Variants in LRMDA observed in about 807,000 individuals in gnomAD.
The protein encoded by LRMDA is leucine rich melanocyte differentiation associated, also known as leucine-rich melanocyte differentiation-associated protein.
In LRMDA, 18 loss-of-function variants were observed where a neutral mutation model predicts 29.8. That is an observed-to-expected ratio of 0.60 (90% CI 0.42 to 0.90). The LOEUF (loss-of-function observed/expected upper bound fraction) is 0.90, where lower values mean the gene tolerates loss of function less well. LRMDA is among the 40% of genes least tolerant of loss of function. The pLI, the probability that LRMDA is intolerant of heterozygous loss-of-function variation, is 0.00. For synonymous variants in LRMDA, 125 were observed against 109.4 expected (o/e 1.14, Z -0.89); for missense variants, 273 against 273.9 (o/e 1.00, Z 0.02).
intron 2 of LRMDA, among the ~76,000 whole-genome samples, chr10:75,659,172 G>A (rs1453234498): frequency 6.6e-6 from 1 of 152,224 alleles, no homozygotes; most frequent in East Asian, 1.9e-4. Context: ...AGTCATCCAG[G>A]TGTGTCAACT....
intron 2 of LRMDA, among the ~76,000 whole-genome samples, chr10:75,829,313 C>T (rs1844299094): frequency 6.6e-6 from 1 of 152,144 alleles, no homozygotes; most frequent in Admixed American, 6.5e-5. Flanking sequence ...CAGTTGAACC[C>T]TTCCACTAGT....
At chr10:75,568,066 G>C (rs1053997135) in intron 2 of LRMDA, among the ~76,000 whole-genome samples, 2 of 152,198 alleles carry the variant, frequency 1.3e-5, no homozygotes, top group African/African-American at 4.8e-5. Context: ...TTAGAAAGTA[G>C]ACAAATTGTA....
At chr10:76,351,248 T>C (rs1589147471) in intron 6 of LRMDA, among the ~76,000 whole-genome samples, 1 of 152,136 alleles carries the variant, frequency 6.6e-6, no homozygotes. Context: ...CAGAGGATGC[T>C]TCAGCTACCT....
At chr10:75,691,077 G>C (rs7071966) in intron 2 of LRMDA, among the ~76,000 whole-genome samples, 1 of 82,420 alleles carries the variant, frequency 1.2e-5, no homozygotes, top group African/African-American at 5.8e-5. Flanking sequence ...TAGATATATA[G>C]ATCTATATAT....
chr10:75,904,671 C>G (rs1281251091), intron 2 of LRMDA, among the ~76,000 whole-genome samples: 3 of 152,224 alleles, frequency 2.0e-5, no homozygotes, highest in Non-Finnish European at 4.4e-5. Context: ...CAGCACTTAT[C>G]ATTAACTTTC....
intron 5 of LRMDA, among the ~76,000 whole-genome samples, chr10:76,150,924 A>G (rs1850429029): frequency 6.6e-6 from 1 of 152,130 alleles, no homozygotes; most frequent in Non-Finnish European, 1.5e-5. Flanking sequence ...CGGCCAAGCA[A>G]CTGGGGTGGC....
At chr10:76,478,614 A>G (rs1357946191) in intron 6 of LRMDA, among the ~76,000 whole-genome samples, 5 of 152,166 alleles carry the variant, frequency 3.3e-5, no homozygotes, top group Non-Finnish European at 7.4e-5. Context: ...TTATTACAGC[A>G]CTATTCACAA....
At chr10:76,082,651 C>A (rs1254205582) in intron 5 of LRMDA, among the ~76,000 whole-genome samples, 4 of 151,910 alleles carry the variant, frequency 2.6e-5, no homozygotes, top group Non-Finnish European at 5.9e-5. Flanking sequence ...AAATGATCAC[C>A]TTGTACCCAT....
intron 6 of LRMDA, among the ~76,000 whole-genome samples, chr10:76,348,202 G>C (rs753876806): frequency 6.6e-6 from 1 of 152,106 alleles, no homozygotes; most frequent in South Asian, 2.1e-4. Context: ...CTCAAATCAG[G>C]CTTCTTCTGG....
intron 2 of LRMDA, among the ~76,000 whole-genome samples, chr10:75,864,459 A>G (rs1324210083): frequency 1.3e-5 from 2 of 152,166 alleles, no homozygotes; most frequent in Non-Finnish European, 2.9e-5. Flanking sequence ...TCTTAGTTCC[A>G]AGGAGTTTTA....
rs74234191 is a variant in LRMDA, at chr10:76,370,485, C to A, written c.601+46000C>A. 4.0e-4 allele frequency among the ~76,000 whole-genome samples: 61 copies of A among 152,246 alleles called. No homozygotes were observed. In the East Asian group the frequency reaches 0.011, roughly 28 times the overall value. On this transcript the variant is annotated intron_variant, in intron 6 of 6. Coordinates refer to ENST00000611255, the MANE Select transcript of LRMDA (RefSeq NM_001305581.2). ...AATGGATTCCAGTGTTTGCAAGTGA[C>A]CCCTTATCCTGTCTTTTAAAGAAAA...
At chr10:75,820,423 A>G (rs1347212042) in intron 2 of LRMDA, among the ~76,000 whole-genome samples, 1 of 152,264 alleles carries the variant, frequency 6.6e-6, no homozygotes, top group Non-Finnish European at 1.5e-5. Context: ...CAATGATGAA[A>G]TTAAGTGGAA....
intron 6 of LRMDA, among the ~76,000 whole-genome samples, chr10:76,374,564 A>G (rs995090250): frequency 1.3e-5 from 2 of 152,240 alleles, no homozygotes; most frequent in African/African-American, 4.8e-5. Flanking sequence ...CTTGTCTCCC[A>G]AGAAGACACC....
intron 6 of LRMDA, among the ~76,000 whole-genome samples, chr10:76,509,314 C>T (rs896192717): frequency 6.6e-6 from 1 of 152,084 alleles, no homozygotes; most frequent in Non-Finnish European, 1.5e-5. Flanking sequence ...ACAAATGAAA[C>T]GTATTTGCTG....
intron 2 of LRMDA, among the ~76,000 whole-genome samples, chr10:75,672,726 G>A (rs1841913385): frequency 6.7e-6 from 1 of 149,376 alleles, no homozygotes; most frequent in Admixed American, 6.7e-5. Flanking sequence ...CTACAGGCAG[G>A]TGCCACAGCT....
At chr10:75,466,027 G>A (rs920382141) in intron 2 of LRMDA, among the ~76,000 whole-genome samples, 2 of 152,256 alleles carry the variant, frequency 1.3e-5, no homozygotes, top group African/African-American at 2.4e-5. Context: ...TGGGGCTACA[G>A]AATTCAGGCT....
chr10:75,782,675 G>T, intron 2 of LRMDA: 2 of 1,113,686 alleles, frequency 1.8e-6, no homozygotes, highest in Non-Finnish European at 2.2e-6. Context: ...CGCTGCCGGT[G>T]CAGTTCCAAG....
chr10:75,611,562 C>T (rs1422899459), intron 2 of LRMDA, among the ~76,000 whole-genome samples: 2 of 152,158 alleles, frequency 1.3e-5, no homozygotes, highest in African/African-American at 4.8e-5. Context: ...GCCTCCATTC[C>T]ACTTCCTGTC....
chr10:75,448,433 T>C (rs992986474), intron 2 of LRMDA, among the ~76,000 whole-genome samples: 2 of 152,106 alleles, frequency 1.3e-5, no homozygotes, highest in Non-Finnish European at 2.9e-5. Flanking sequence ...GCCTTCCACA[T>C]TGTCAGGGTG....
Sources: gnomAD v4.1 joint callset for allele counts (sites outside exome capture counted in the v4.1 genomes callset) on GRCh38, gnomAD v4.1.1 for gene constraint, MANE v1.5 for transcripts, NCBI Gene and HGNC (gene_info 2026-07-23, HGNC 2026-07-21) for gene names.